TFEB: variants seen among roughly 807,000 people sequenced by gnomAD.
The protein encoded by TFEB is transcription factor EB.
A neutral mutation model predicts 48.0 loss-of-function variants in TFEB; 12 were observed. The observed-to-expected ratio is 0.25, with a 90% CI of 0.16 to 0.40. The LOEUF is 0.40. TFEB is among the 10% of genes least tolerant of loss of function. The probability of loss-of-function intolerance (pLI) is 1.00; values close to 1 mark genes in which losing one functional copy is unlikely to be tolerated. For missense variants in TFEB, 509 were observed against 640.3 expected, an observed-to-expected ratio of 0.79 and a Z score of 2.21; for synonymous variants, 244 against 261.4, an observed-to-expected ratio of 0.93 and a Z score of 0.64.
rs11478857 is a variant in TFEB, at chr6:41,730,122, G to GA, written c.-23+5227dup. On this transcript the variant is annotated intron_variant, in intron 1 of 8. Transcript: ENST00000373033. This position sits in a 1 kb window ranked among gnomAD's most constrained non-coding sequence, Gnocchi z 4.1. ...GAGAAAGGGCATTGGAATCATCCCA[G>GA]AAAAAAAAAAAATTAAATAAAGATG... 0.16 allele frequency among the ~76,000 whole-genome samples: 23,353 copies of GA among 149,212 alleles called. 1,858 individuals are homozygous for GA. Among genetic ancestry groups the GA allele is most frequent in the African/African-American group, 0.21 (8,268 of 40,302 alleles).
intron 1 of TFEB, among the ~76,000 whole-genome samples, chr6:41,696,055 G>A (rs1769563641): frequency 6.6e-6 from 1 of 152,254 alleles, no homozygotes; most frequent in African/African-American, 2.4e-5. Context: ...AGCATTTGGA[G>A]CTGGAGGGCC....
chr6:41,705,728 C>T (rs1770179671), intron 1 of TFEB: 1 of 152,408 alleles, frequency 6.6e-6, no homozygotes, highest in Non-Finnish European at 1.5e-5. Context: ...AACCCTAAAT[C>T]ATGGGGCCAG....
intron 1 of TFEB, among the ~76,000 whole-genome samples, chr6:41,718,501 A>T (rs1362661417): frequency 1.3e-5 from 2 of 152,112 alleles, no homozygotes; most frequent in Non-Finnish European, 2.9e-5. Flanking sequence ...GAGCCACCAC[A>T]CCCAGCCTAG....
chr6:41,730,929 G>A lies in TFEB; in HGVS notation c.-23+4421C>T, dbSNP rs1020766528. 6.6e-6 allele frequency among the ~76,000 whole-genome samples: 1 copy of A among 152,162 alleles called. No homozygotes were observed. The highest frequency in any genetic ancestry group is 2.4e-5 in the African/African-American group (1 of 41,446). On this transcript the variant is annotated intron_variant, in intron 1 of 8. Coordinates refer to ENST00000373033, the MANE Select transcript of TFEB (RefSeq NM_001271944.2). This position sits in a 1 kb window ranked among gnomAD's most constrained non-coding sequence, Gnocchi z 4.1. ...TCTTATTCAACAAGGAGAGGAGGCT[G>A]GTGTGGTGGGACAGAGAGTGGTGGG...
chr6:41,699,758 G>A (rs1048124647), intron 1 of TFEB, among the ~76,000 whole-genome samples: 4 of 152,200 alleles, frequency 2.6e-5, no homozygotes, highest in African/African-American at 9.6e-5. Flanking sequence ...TGGTAAGTGT[G>A]CACTGTTTGA....
intron 1 of TFEB, 155 bp downstream of exon 1, chr6:41,735,195 G>T: frequency 1.1e-6 from 1 of 897,970 alleles, no homozygotes; most frequent in Non-Finnish European, 1.3e-6. Context: ...CGGACGGACT[G>T]CGGGTGGGTG....
At chr6:41,733,621 T>C in intron 1 of TFEB, 3 of 985,406 alleles carry the variant, frequency 3.0e-6, no homozygotes, top group Non-Finnish European at 3.6e-6. Flanking sequence ...GGCGAGTTGC[T>C]CGTGGTCCTG....
chr6:41,705,730 T>C (rs1161971956), intron 1 of TFEB: 2 of 152,202 alleles, frequency 1.3e-5, no homozygotes, highest in East Asian at 3.9e-4. Context: ...CCCTAAATCA[T>C]GGGGCCAGAA....
At chr6:41,718,185 GT>G (rs35792875) in intron 1 of TFEB, among the ~76,000 whole-genome samples, 3,113 of 150,826 alleles carry the variant, frequency 0.021, 97 homozygotes, top group African/African-American at 0.07. Context: ...TTTTGGGGGT[GT>G]TTTTTTTTGT....
At chr6:41,698,092 C>G (rs1769703926) in intron 1 of TFEB, among the ~76,000 whole-genome samples, 1 of 152,140 alleles carries the variant, frequency 6.6e-6, no homozygotes, top group Non-Finnish European at 1.5e-5. Flanking sequence ...TTACTGTGTG[C>G]TAGGTACTGT....
At chr6:41,688,212 T>C in intron 4 of TFEB, 184 bp from the exon 5 acceptor site, 1 of 648,854 alleles carries the variant, frequency 1.5e-6, no homozygotes, top group South Asian at 2.5e-5. Flanking sequence ...TTATAAGATG[T>C]AGTCCCTGCC....
intron 1 of TFEB, among the ~76,000 whole-genome samples, chr6:41,708,526 C>T (rs1770341399): frequency 6.6e-6 from 1 of 152,222 alleles, no homozygotes; most frequent in Non-Finnish European, 1.5e-5. Flanking sequence ...GCATATTCTG[C>T]AGAGGCCTCC....
At chr6:41,699,060 T>C (rs1003199848) in intron 1 of TFEB, among the ~76,000 whole-genome samples, 4 of 152,302 alleles carry the variant, frequency 2.6e-5, no homozygotes, top group Admixed American at 6.5e-5. Context: ...TATGATGCTG[T>C]GGGAAAGGCC....
chr6:41,694,073 C>T (rs1309834695), intron 1 of TFEB, among the ~76,000 whole-genome samples: 1 of 152,168 alleles, frequency 6.6e-6, no homozygotes, highest in African/African-American at 2.4e-5. Flanking sequence ...CTGGCAGTGC[C>T]AGCCGGCACA....
intron 1 of TFEB, chr6:41,732,531 T>C: frequency 1.0e-6 from 1 of 971,868 alleles, no homozygotes; most frequent in Non-Finnish European, 1.2e-6. Context: ...TACACTCTCA[T>C]AGACACACAT....
chr6:41,720,744 C>A lies in TFEB; in HGVS notation c.-23+14606G>T, dbSNP rs2127264065. ...AGATCCTGCAAGCTGGGGGAGGGGG[C>A]ATCAGTAAGGCCGAGTCCTTCTCTA... is the stretch of plus-strand genomic sequence containing the variant. On this transcript the variant is annotated intron_variant, in intron 1 of 8. Transcript: ENST00000373033. The surrounding 1 kb of genome is among the most constrained non-coding windows in gnomAD (Gnocchi z 4.1). 1 of 152,322 alleles carries A rather than the reference C, an allele frequency of 6.6e-6. No individual in the cohort carries two copies. Among genetic ancestry groups the A allele is most frequent in the Middle Eastern group, 3.4e-3 (1 of 294 alleles). The allele number at this position is 152,322 out of a possible 1,614,324, so 9.4% of individuals were successfully genotyped here.
rs766617715 is a variant in TFEB, at chr6:41,686,121, ATCTCCAGGCGGCGAGAGTGGT to A, written c.899_919del (p.Asn300_Glu306del). 6.2e-7 allele frequency: 1 copy of A among 1,614,124 alleles called. No individual in the cohort carries two copies. The highest frequency in any genetic ancestry group is 1.3e-5 in the African/African-American group (1 of 74,936). ...ACGGAGCCAGAGCTGCTTGTTGGTC[ATCTCCAGGCGGCGAGAGTGGT>A]TCTCCAGCTCCCTGGACTTTTGCAG... On this transcript the variant is annotated inframe_deletion, in exon 8 of 9. Transcript: ENST00000373033.
rs1288376832 is a variant in TFEB, at chr6:41,706,507, AC to A, written c.-22-15273del. On this transcript the variant is annotated intron_variant, in intron 1 of 8. Transcript: ENST00000373033. The stretch of plus-strand genomic sequence containing the variant: ...TACACCCACCCCCAACCACCCTTAC[AC>A]CCCCCCACCCCCATCCTGCCCAAGA... 8.5e-5 allele frequency among the ~76,000 whole-genome samples: 9 copies of A among 105,800 alleles called. 1 individual carries two copies. Among genetic ancestry groups the A allele is most frequent in the East Asian group, 2.8e-4 (1 of 3,536 alleles). The allele number at this position is 105,800 out of a possible 152,430, so 69.4% of individuals were successfully genotyped here. A position where few individuals can be genotyped will look rare whatever the true frequency, so the allele number is the denominator to read the frequency against.
intron 1 of TFEB, among the ~76,000 whole-genome samples, chr6:41,729,035 C>G (rs1205641563): frequency 6.6e-6 from 1 of 152,042 alleles, no homozygotes; most frequent in South Asian, 2.1e-4. Flanking sequence ...ACAGCAAACC[C>G]CTGTGCCCAG....
Sources: allele counts gnomAD v4.1 joint callset (sites outside exome capture counted in the v4.1 genomes callset), GRCh38; gene constraint gnomAD v4.1.1; non-coding constraint Gnocchi (gnomAD v3.1); transcripts MANE v1.5; gene names NCBI Gene and HGNC (gene_info 2026-07-23, HGNC 2026-07-21).